The following UBR3 variants were observed in gnomAD, a reference collection of about 807,000 sequenced individuals.
UBR3 encodes ubiquitin protein ligase E3 component n-recognin 3.
Under a neutral mutation model 243.2 loss-of-function variants are expected in UBR3, and 85 were observed. That is an observed-to-expected ratio of 0.35 (90% CI 0.29 to 0.42). The LOEUF (loss-of-function observed/expected upper bound fraction) is 0.42. Ranked by LOEUF, UBR3 falls within the 10% of genes least tolerant of loss-of-function variation. The pLI, the probability that UBR3 is intolerant of heterozygous loss-of-function variation, is 1.00. For synonymous variants in UBR3, 748 were observed against 799.8 expected, an observed-to-expected ratio of 0.94 and a Z score of 1.09; for missense variants, 1,686 against 2,300.8, an observed-to-expected ratio of 0.73 and a Z score of 5.47.
chr2:170,025,407 G>T (rs1434285774), intron 30 of UBR3, among the ~76,000 whole-genome samples: 1 of 152,150 alleles, frequency 6.6e-6, no homozygotes, highest in Non-Finnish European at 1.5e-5. Flanking sequence ...AACTGAGTTG[G>T]CCTGAAGGAC....
At chr2:169,919,898 G>T (rs540856985) in intron 11 of UBR3, among the ~76,000 whole-genome samples, 271 of 152,300 alleles carry the variant, frequency 1.8e-3, no homozygotes, top group African/African-American at 6.2e-3. Context: ...GGAAGTCAGT[G>T]TGGCGATTCC....
intron 33 of UBR3, among the ~76,000 whole-genome samples, chr2:170,056,915 G>A (rs1198854623): frequency 6.6e-6 from 1 of 152,046 alleles, no homozygotes; most frequent in South Asian, 2.1e-4. Flanking sequence ...TACTTTTTTA[G>A]TCAAAACATA....
At chr2:169,956,387 C>T (rs904282219) in intron 23 of UBR3, among the ~76,000 whole-genome samples, 4 of 151,594 alleles carry the variant, frequency 2.6e-5, no homozygotes, top group South Asian at 2.1e-4. Context: ...AATGCCCTCC[C>T]GTGCCAGGTT....
At chr2:169,888,229 C>A (rs557584636) in intron 5 of UBR3, among the ~76,000 whole-genome samples, 1 of 151,918 alleles carries the variant, frequency 6.6e-6, no homozygotes, top group African/African-American at 2.4e-5. Flanking sequence ...ACCTCCGCCT[C>A]CCGGGTTCAA....
At chr2:169,838,518 C>A (rs1273835229) in intron 1 of UBR3, among the ~76,000 whole-genome samples, 1 of 151,602 alleles carries the variant, frequency 6.6e-6, no homozygotes, top group East Asian at 1.9e-4. Context: ...TAAGGTAGTT[C>A]CCTCCAGCAC....
chr2:169,889,479 A>C (rs1282166466), intron 5 of UBR3, among the ~76,000 whole-genome samples: 1 of 152,136 alleles, frequency 6.6e-6, no homozygotes, highest in East Asian at 1.9e-4. Flanking sequence ...ATTAGCTGAA[A>C]TCTTAAATTT....
At chr2:169,856,969 T>C (rs2082896093) in intron 1 of UBR3, among the ~76,000 whole-genome samples, 1 of 152,038 alleles carries the variant, frequency 6.6e-6, no homozygotes, top group Admixed American at 6.6e-5. Flanking sequence ...TTTTTTGGCC[T>C]GTGTGTTATT....
At chr2:169,845,531 GTCTTCTTCT>G (rs1184360391) in intron 1 of UBR3, among the ~76,000 whole-genome samples, 3 of 105,184 alleles carry the variant, frequency 2.9e-5, no homozygotes, top group African/African-American at 1.2e-4. Context: ...CGTCGTCGTC[GTCTTCTTCT>G]TCTTCTTCTT....
chr2:170,047,395 A>G (rs1023589649), intron 32 of UBR3, among the ~76,000 whole-genome samples: 4 of 152,148 alleles, frequency 2.6e-5, no homozygotes, highest in Admixed American at 2.6e-4. Flanking sequence ...AATTGTACAT[A>G]TATGTGCATT....
chr2:169,872,208 GTTAA>G, intron 1 of UBR3, 24 bp from the exon 2 acceptor site: 1 of 1,436,648 alleles, frequency 7.0e-7, no homozygotes, highest in Non-Finnish European at 9.3e-7. Flanking sequence ...AGACATTACT[GTTAA>G]TTTTTTTCTT....
chr2:170,001,278 G>T, intron 26 of UBR3, 26 bp from the exon 27 acceptor site: 1 of 1,480,400 alleles, frequency 6.8e-7, no homozygotes. Flanking sequence ...AAAATTAATT[G>T]TATTTGTCTT....
intron 33 of UBR3, among the ~76,000 whole-genome samples, chr2:170,059,633 C>T (rs1005627319): frequency 3.3e-5 from 5 of 151,984 alleles, no homozygotes; most frequent in Non-Finnish European, 7.4e-5. Context: ...ATATTTAACA[C>T]GTAATCATAC....
At chr2:169,915,950 G>A (rs1471498327) in intron 11 of UBR3, among the ~76,000 whole-genome samples, 1 of 151,970 alleles carries the variant, frequency 6.6e-6, no homozygotes, top group Non-Finnish European at 1.5e-5. Flanking sequence ...ATCATTTTTT[G>A]AGAACTTCCA....
chr2:169,856,048 G>C, intron 1 of UBR3, among the ~76,000 whole-genome samples: 1 of 150,652 alleles, frequency 6.6e-6, no homozygotes, highest in East Asian at 2.0e-4. Context: ...GGCGGCTGCT[G>C]GGCGGAGGGG....
chr2:169,968,730 G>C (rs1369601487), intron 24 of UBR3, among the ~76,000 whole-genome samples: 2 of 152,034 alleles, frequency 1.3e-5, no homozygotes, highest in African/African-American at 4.8e-5. Flanking sequence ...TGGGTCATTT[G>C]GTAGATCTAT....
chr2:169,888,512 T>C (rs1428765340), intron 5 of UBR3, among the ~76,000 whole-genome samples: 1 of 152,220 alleles, frequency 6.6e-6, no homozygotes, highest in African/African-American at 2.4e-5. Flanking sequence ...TTTCATGCTG[T>C]ATATACTCGT....
intron 1 of UBR3, among the ~76,000 whole-genome samples, chr2:169,829,720 G>A (rs546659298): frequency 3.9e-4 from 59 of 152,132 alleles, no homozygotes; most frequent in African/African-American, 1.2e-3. Context: ...CACCGCGCCC[G>A]GCCAACATTT....
intron 8 of UBR3, among the ~76,000 whole-genome samples, chr2:169,897,934 A>G (rs2084653864): frequency 6.6e-6 from 1 of 152,186 alleles, no homozygotes; most frequent in African/African-American, 2.4e-5. Flanking sequence ...AAAGATGAGT[A>G]CATTGAGGCT....
chr2:169,833,937 C>T (rs778493240), intron 1 of UBR3, among the ~76,000 whole-genome samples: 2 of 152,074 alleles, frequency 1.3e-5, no homozygotes, highest in African/African-American at 4.8e-5. Flanking sequence ...CGCACACCAC[C>T]ACACACAGCT....
Sources: gnomAD v4.1 joint callset for allele counts (sites outside exome capture counted in the v4.1 genomes callset) on GRCh38, gnomAD v4.1.1 for gene constraint, MANE v1.5 for transcripts, NCBI Gene and HGNC (gene_info 2026-07-23, HGNC 2026-07-21) for gene names.